The following AMH variants were observed in gnomAD, a reference collection of about 807,000 sequenced individuals.
The protein encoded by AMH is anti-Muellerian hormone.
In AMH, 39 loss-of-function variants were observed where a neutral mutation model predicts 33.3. That is an observed-to-expected ratio of 1.17 (90% CI 0.91 to 1.53). The LOEUF (loss-of-function observed/expected upper bound fraction) is 1.53. AMH is among the 40% of genes most tolerant of loss of function. AMH has a pLI of 0.00. For missense variants in AMH, 1,019 were observed against 799.8 expected (o/e 1.27, Z -3.30); for synonymous variants, 536 against 403.0 (o/e 1.33, Z -3.95).
intron 1 of AMH, chr19:2,250,018 C>T: frequency 6.6e-6 from 4 of 605,972 alleles, no homozygotes; most frequent in Admixed American, 5.9e-5. Context: ...GGGCTCGGGG[C>T]CAGTGGAACC....
rs1424252536 is a variant in AMH, at chr19:2,251,528, C to G, written c.1254C>G (p.Leu418=). 6 of 1,341,570 alleles carry G rather than the reference C, an allele frequency of 4.5e-6. No homozygotes were observed. In the Admixed American group the frequency reaches 1.8e-4, roughly 40 times the overall value. The allele number at this position is 1,341,570 out of a possible 1,614,324, so 83.1% of individuals were successfully genotyped here. A position where few individuals can be genotyped will look rare whatever the true frequency, so the allele number is the denominator to read the frequency against. ...LALCPGGPGG[L]GDPLRALLLL... is the part of the protein sequence containing the mutation. ...TCTGCCCAGGTGGCCCCGGCGGCCT[C>G]GGCGATCCCCTGCGAGCGCTGCTGC... Residue 418 remains leucine (L), a synonymous_variant, in exon 5 of 5, where the codon CTC becomes CTG. Coordinates refer to ENST00000221496, the MANE Select transcript of AMH (RefSeq NM_000479.5).
chr19:2,250,710 G>C lies in AMH; in HGVS notation c.614G>C (p.Gly205Ala). Residue 205 changes from glycine to alanine, a missense_variant, in exon 3 of 5, where the codon GGG (glycine) becomes GCG (alanine). Transcript: ENST00000221496. The stretch of plus-strand genomic sequence containing the variant: ...GTGTTAGCGGTGGACCGCCCTGCGG[G>C]GGCCTGGCGCGGCTCCGGGCTGGCC... ...YLVLAVDRPA[G>A]AWRGSGLALT... is the part of the protein sequence containing the mutation. 2.6e-6 allele frequency: 4 copies of C among 1,538,988 alleles called. No homozygotes were observed. Among genetic ancestry groups the C allele is most frequent in the Non-Finnish European group, 3.5e-6 (4 of 1,147,794 alleles).
chr19:2,249,776 G>A (rs138385436), intron 1 of AMH, 32 bp downstream of exon 1: 65 of 1,475,860 alleles, frequency 4.4e-5, no homozygotes, highest in Middle Eastern at 1.8e-4. Context: ...GCTTGGCACC[G>A]CCGTCTTCCT....
rs1420291137 is a variant in AMH at position 2,251,385 on chromosome 19, T to C, written c.1111T>C (p.Trp371Arg). 6.8e-7 allele frequency: 1 copy of C among 1,468,328 alleles called. No homozygotes were observed. Among genetic ancestry groups the C allele is most frequent in the Non-Finnish European group, 9.0e-7 (1 of 1,117,112 alleles). 91.0% of individuals were successfully genotyped at this position (1,468,328 alleles called of 1,614,324 possible). ...CCTGCACGACCCCACGTCGGCGCCG[T>C]GGGCCACGGCCCTGGCGCGCCGCGT... ...APLHDPTSAP[W>R]ATALARRVAA... Residue 371 changes from tryptophan (W) to arginine (R), a missense_variant, in exon 5 of 5, where the codon TGG (tryptophan) becomes CGG (arginine). Coordinates refer to ENST00000221496, the MANE Select transcript of AMH (RefSeq NM_000479.5).
chr19:2,249,694 G>A lies in AMH; in HGVS notation c.362G>A (p.Trp121Ter), dbSNP rs745981127. The A allele has an allele frequency of 6.7e-7, 1 of 1,503,672 alleles. No individual in the cohort carries two copies. The highest frequency in any genetic ancestry group is 8.8e-7 in the Non-Finnish European group (1 of 1,131,126). The allele number at this position is 1,503,672 out of a possible 1,614,324, so 93.1% of individuals were successfully genotyped here. The stretch of plus-strand genomic sequence containing the variant: ...CCCTCTCTACGGCGGCTGGGGGCCT[G>A]GCTGCGGGACCCTGGGGGGCAGCGC... ...ALPSLRRLGA[W>*]LRDPGGQRLV... The change falls in exon 1 of 5, where the codon TGG (tryptophan) becomes TAG (stop). Residue 121 changes from tryptophan to a stop codon, truncating the protein, a stop_gained. Transcript: ENST00000221496. LOFTEE classifies it high-confidence loss of function.
chr19:2,251,438 C>A lies in AMH; in HGVS notation c.1164C>A (p.Ala388=), dbSNP rs1187536217. 7 of 1,438,286 alleles carry A rather than the reference C, an allele frequency of 4.9e-6. No homozygotes were observed. Among genetic ancestry groups the A allele is most frequent in the Non-Finnish European group, 6.4e-6 (7 of 1,101,288 alleles). 89.1% of individuals were successfully genotyped at this position (1,438,286 alleles called of 1,614,324 possible). The change falls in exon 5 of 5, where the codon GCC becomes GCA. Residue 388 remains alanine, a synonymous_variant. Transcript: ENST00000221496. ...RVAAELQAAA[A]ELRSLPGLPP... Reference sequence around the variant, plus strand: ...CTGCTGAACTGCAAGCGGCGGCTGCCGAGCTGCGAAGCCTCCCGGGTCTGC... The same window carrying A: ...CTGCTGAACTGCAAGCGGCGGCTGCAGAGCTGCGAAGCCTCCCGGGTCTGC...
Position 2,249,422 on chromosome 19 carries a change from A to C in AMH, c.90A>C (p.Pro30=). The C allele has an allele frequency of 6.3e-7, 1 of 1,598,828 alleles. No homozygotes were observed. Among genetic ancestry groups the C allele is most frequent in the Non-Finnish European group, 8.5e-7 (1 of 1,173,534 alleles). The part of the protein sequence containing the change: ...LGTEALRAEE[P]AVGTSGLIFR... Reference sequence around the variant, plus strand: ...CTGAGGCCCTCAGAGCAGAGGAGCCAGCTGTGGGCACCAGTGGCCTCATCT... The same window carrying C: ...CTGAGGCCCTCAGAGCAGAGGAGCCCGCTGTGGGCACCAGTGGCCTCATCT... Residue 30 remains proline (P), a synonymous_variant, in exon 1 of 5, where the codon CCA becomes CCC. Transcript: ENST00000221496.
In AMH at chr19:2,251,235, G is replaced by T; in HGVS notation, c.961G>T (p.Ala321Ser). ...PRLALDPDAL[A>S]GFPQGLVNLS... is the part of the protein sequence containing the mutation. ...CCTGGCCCTGGATCCGGACGCGCTG[G>T]CCGGCTTCCCGCAGGGCCTAGTCAA... is the stretch of plus-strand genomic sequence containing the variant. Residue 321 changes from alanine to serine, a missense_variant, in exon 5 of 5, where the codon GCC becomes TCC. Physicochemically the swap from Ala to Ser is moderately conservative, Grantham distance 99. Coordinates refer to ENST00000221496, the MANE Select transcript of AMH (RefSeq NM_000479.5). 1 of 1,502,424 alleles carries T rather than the reference G, an allele frequency of 6.7e-7. No individual in the cohort carries two copies. The highest frequency in any genetic ancestry group is 8.8e-7 in the Non-Finnish European group (1 of 1,133,268). 93.1% of individuals were successfully genotyped at this position (1,502,424 alleles called of 1,614,324 possible). A position where few individuals can be genotyped will look rare whatever the true frequency, so the allele number is the denominator to read the frequency against.
In AMH at chr19:2,251,800, T is replaced by C. The variant is rs762469878; in HGVS notation, c.1526T>C (p.Leu509Pro). 6.2e-7 allele frequency: 1 copy of C among 1,609,082 alleles called. No individual in the cohort carries two copies. The highest frequency in any genetic ancestry group is 1.1e-5 in the South Asian group (1 of 90,992). ...RNPRYGNHVV[L>P]LLKMQVRGAA... ...CCGCGCTACGGCAACCACGTGGTGC[T>C]GCTGCTGAAGATGCAGGTCCGTGGG... Residue 509 changes from leucine (L) to proline (P), a missense_variant, in exon 5 of 5, where the codon CTG becomes CCG. Physicochemically the swap from Leu to Pro is moderately conservative, Grantham distance 98 (BLOSUM62 -3). Coordinates refer to ENST00000221496, the MANE Select transcript of AMH (RefSeq NM_000479.5).
Position 2,251,825 on chromosome 19 carries a change from G to T in AMH, c.1551G>T (p.Gly517=), listed in dbSNP as rs1336336501. Reference sequence around the variant, plus strand: ...TGCTGCTGAAGATGCAGGTCCGTGGGGCCGCCCTGGCGCGCCCACCCTGCT... The same window carrying T: ...TGCTGCTGAAGATGCAGGTCCGTGGTGCCGCCCTGGCGCGCCCACCCTGCT... ...VVLLLKMQVR[G]AALARPPCCV... Residue 517 remains glycine (G), a synonymous_variant, in exon 5 of 5, where the codon GGG becomes GGT. Transcript: ENST00000221496. The T allele has an allele frequency of 6.2e-7, 1 of 1,601,594 alleles. No individual in the cohort carries two copies. Among genetic ancestry groups the T allele is most frequent in the East Asian group, 2.2e-5 (1 of 44,604 alleles).
Position 2,251,843 on chromosome 19 carries a change from A to C in AMH, c.1569A>C (p.Pro523=). 6.3e-7 allele frequency: 1 copy of C among 1,595,530 alleles called. No individual in the cohort carries two copies. ...MQVRGAALAR[P]PCCVPTAYAG... ...TCCGTGGGGCCGCCCTGGCGCGCCC[A>C]CCCTGCTGCGTGCCCACCGCCTACG... Residue 523 remains proline (P), a synonymous_variant, in exon 5 of 5, where the codon CCA becomes CCC. Coordinates refer to ENST00000221496, the MANE Select transcript of AMH (RefSeq NM_000479.5).
In AMH at chr19:2,249,673, C is replaced by G; in HGVS notation, c.341C>G (p.Ser114Cys). 2 of 1,505,682 alleles carry G rather than the reference C, an allele frequency of 1.3e-6. No homozygotes were observed. Among genetic ancestry groups the G allele is most frequent in the Non-Finnish European group, 1.8e-6 (2 of 1,131,752 alleles). 93.3% of individuals were successfully genotyped at this position (1,505,682 alleles called of 1,614,324 possible). A position where few individuals can be genotyped will look rare whatever the true frequency, so the allele number is the denominator to read the frequency against. Reference protein sequence around the residue: ...NTGDRQAALPSLRRLGAWLRD... With the variant: ...NTGDRQAALPCLRRLGAWLRD... ...GGTGACAGGCAGGCTGCCTTGCCCT[C>G]TCTACGGCGGCTGGGGGCCTGGCTG... Residue 114 changes from serine to cysteine, a missense_variant, in exon 1 of 5, where the codon TCT (serine) becomes TGT (cysteine). By Grantham distance (112) the Ser-to-Cys change is moderately radical. Coordinates refer to ENST00000221496, the MANE Select transcript of AMH (RefSeq NM_000479.5).
In AMH at chr19:2,249,745, G is replaced by A; in HGVS notation, c.412+1G>A. On this transcript the variant is annotated splice_donor_variant, in intron 1 of 4. Coordinates refer to ENST00000221496, the MANE Select transcript of AMH (RefSeq NM_000479.5). LOFTEE classifies it high-confidence loss of function. ...CTGGTGGTCCTACACCTGGAGGAAG[G>A]TATGTGGGGCCCAGCCCCAAGCTTG... is the stretch of plus-strand genomic sequence containing the variant. 6.7e-7 allele frequency: 1 copy of A among 1,501,140 alleles called. No homozygotes were observed. Among genetic ancestry groups the A allele is most frequent in the Non-Finnish European group, 8.8e-7 (1 of 1,130,054 alleles). The allele number at this position is 1,501,140 out of a possible 1,614,324, so 93.0% of individuals were successfully genotyped here.
Position 2,250,725 on chromosome 19 carries a change from C to T in AMH, c.629C>T (p.Ser210Phe). Residue 210 changes from serine (S) to phenylalanine (F), a missense_variant, in exon 3 of 5, where the codon TCC becomes TTC. Coordinates refer to ENST00000221496, the MANE Select transcript of AMH (RefSeq NM_000479.5). The part of the protein sequence containing the change: ...VDRPAGAWRG[S>F]GLALTLQPRG... ...CGCCCTGCGGGGGCCTGGCGCGGCTCCGGGCTGGCCTTGACCCTGCAGCCC... is the reference window on the plus strand; with the variant it reads ...CGCCCTGCGGGGGCCTGGCGCGGCTTCGGGCTGGCCTTGACCCTGCAGCCC... 6.5e-7 allele frequency: 1 copy of T among 1,537,856 alleles called. No individual in the cohort carries two copies. The highest frequency in any genetic ancestry group is 8.7e-7 in the Non-Finnish European group (1 of 1,147,688).
In AMH at chr19:2,249,645, A is replaced by G. The variant is rs1206409943; in HGVS notation, c.313A>G (p.Thr105Ala). Reference sequence around the variant, plus strand: ...CCTGGCCACCTTCGGGGTCTGCAACACCGGTGACAGGCAGGCTGCCTTGCC... The same window carrying G: ...CCTGGCCACCTTCGGGGTCTGCAACGCCGGTGACAGGCAGGCTGCCTTGCC... ...RDLATFGVCNTGDRQAALPSL... is the reference protein window; with the variant it reads ...RDLATFGVCNAGDRQAALPSL... The change falls in exon 1 of 5, where the codon ACC becomes GCC. Residue 105 changes from threonine (T) to alanine (A), a missense_variant. By Grantham distance (58) the Thr-to-Ala change is moderately conservative. Coordinates refer to ENST00000221496, the MANE Select transcript of AMH (RefSeq NM_000479.5). The G allele has an allele frequency of 2.0e-6, 3 of 1,517,674 alleles. No individual in the cohort carries two copies. The highest frequency in any genetic ancestry group is 2.6e-6 in the Non-Finnish European group (3 of 1,135,854). The allele number at this position is 1,517,674 out of a possible 1,614,324, so 94.0% of individuals were successfully genotyped here.
chr19:2,249,977 C>G (rs532060197), intron 1 of AMH: 56 of 627,078 alleles, frequency 8.9e-5, no homozygotes, highest in South Asian at 6.5e-4. Context: ...GAGAGAGCTG[C>G]TGCCTTCTCC....
rs1191770313 is a variant in AMH at position 2,251,360 on chromosome 19, C to T, written c.1086C>T (p.Pro362=). 4 of 1,481,376 alleles carry T rather than the reference C, an allele frequency of 2.7e-6. No homozygotes were observed. The highest frequency in any genetic ancestry group is 1.5e-5 in the African/African-American group (1 of 68,158). 91.8% of individuals were successfully genotyped at this position (1,481,376 alleles called of 1,614,324 possible). ...PTAATTGDPA[P]LHDPTSAPWA... ...CGGCCACCACCGGGGATCCTGCGCC[C>T]CTGCACGACCCCACGTCGGCGCCGT... Residue 362 remains proline (P), a synonymous_variant, in exon 5 of 5, where the codon CCC becomes CCT. Transcript: ENST00000221496.
At position 2,250,935 on chromosome 19, in the gene AMH, C is replaced by T; in HGVS notation, c.751C>T (p.Leu251=). ...CFTRMTPALL[L]LPRSEPAPLP... is the part of the protein sequence containing the mutation. ...CACACGGATGACCCCGGCCCTGCTC[C>T]TGCTGCCGCGGTCCGAGCCCGCGCC... Residue 251 remains leucine, a synonymous_variant, in exon 4 of 5, where the codon CTG becomes TTG. Transcript: ENST00000221496. 6.4e-7 allele frequency: 1 copy of T among 1,550,510 alleles called. No individual in the cohort carries two copies. Among genetic ancestry groups the T allele is most frequent in the Non-Finnish European group, 8.6e-7 (1 of 1,156,602 alleles).
chr19:2,250,167 T>C (rs1599136901), intron 1 of AMH, 170 bp from the exon 2 acceptor site: 3 of 1,148,436 alleles, frequency 2.6e-6, no homozygotes, highest in Non-Finnish European at 3.7e-6. Context: ...AGCCCCTGCC[T>C]GCCCCTGCCG....
Sources: allele counts gnomAD v4.1 joint callset, GRCh38; gene constraint gnomAD v4.1.1; transcripts MANE v1.5; gene names NCBI Gene and HGNC (gene_info 2026-07-23, HGNC 2026-07-21).